Variants in NELL2 observed in about 807,000 individuals in gnomAD.
The protein encoded by NELL2 is neural EGFL like 2, also known as protein kinase C-binding protein NELL2.
Under a neutral mutation model 109.6 loss-of-function variants are expected in NELL2, and 41 were observed. The ratio of observed to expected loss-of-function variants is 0.37; its 90% CI spans 0.29 to 0.49. The LOEUF is 0.49. Among genes scored for constraint, NELL2 ranks in the 20% least tolerant of loss-of-function variants. NELL2 has a pLI of 0.98. For synonymous variants in NELL2, 355 were observed against 344.7 expected (o/e 1.03, Z -0.33); for missense variants, 900 against 1,008.3 (o/e 0.89, Z 1.45).
chr12:44,685,065 A>C (rs2136381317), intron 12 of NELL2, among the ~76,000 whole-genome samples: 2 of 152,140 alleles, frequency 1.3e-5, no homozygotes, highest in Non-Finnish European at 2.9e-5. Flanking sequence ...GTCTCTTTGT[A>C]GGTCACTCAG....
chr12:44,567,793 G>T (rs1259521831), intron 15 of NELL2, among the ~76,000 whole-genome samples: 1 of 152,050 alleles, frequency 6.6e-6, no homozygotes, highest in Non-Finnish European at 1.5e-5. Flanking sequence ...AGCTACATAC[G>T]ATTGCCCTGA....
In NELL2 at chr12:44,875,234, G is replaced by C. The variant is rs1296729070; in HGVS notation, c.175C>G (p.Leu59Val). ...AGCACGCCGGGCATACCTTGAAAGA[G>C]AAAGGCTTTCGTCCCATTATGCAGC... ...PGLHNGTKAF[L>V]FQDTPRSIKA... Residue 59 changes from leucine (L) to valine (V), a missense_variant, in exon 2 of 20, where the codon CTC becomes GTC. By Grantham distance (32) the Leu-to-Val change is conservative. Around this residue, in one of 4 missense-constraint regions of NELL2, gnomAD observed 200 missense variants for 191.8 expected, o/e 1.04. Transcript: ENST00000429094. The C allele has an allele frequency of 1.2e-6, 2 of 1,612,614 alleles. No homozygotes were observed. Among genetic ancestry groups the C allele is most frequent in the East Asian group, 4.5e-5 (2 of 44,828 alleles).
At chr12:44,867,218 G>A (rs1167245784) in intron 2 of NELL2, among the ~76,000 whole-genome samples, 31 of 152,276 alleles carry the variant, frequency 2.0e-4, no homozygotes, top group Admixed American at 2.0e-3. Flanking sequence ...GAACAGAGAT[G>A]AAATAATCCT....
chr12:44,737,779 C>G (rs1294411372), intron 9 of NELL2, among the ~76,000 whole-genome samples: 1 of 152,054 alleles, frequency 6.6e-6, no homozygotes, highest in African/African-American at 2.4e-5. Context: ...CCTCTCCATT[C>G]TGCATACCTT....
chr12:44,915,057 T>C (rs1945818376), upstream of NELL2, among the ~76,000 whole-genome samples: 1 of 152,082 alleles, frequency 6.6e-6, no homozygotes, highest in Non-Finnish European at 1.5e-5. Context: ...TTCACCGTGT[T>C]AGCCAGGATT....
At chr12:44,742,718 T>C (rs142713237) in intron 9 of NELL2, among the ~76,000 whole-genome samples, 2 of 151,544 alleles carry the variant, frequency 1.3e-5, no homozygotes, top group African/African-American at 4.9e-5. Context: ...GAAGACAAAA[T>C]GAATGAAATG....
At chr12:44,688,891 T>C (rs926298175) in intron 12 of NELL2, among the ~76,000 whole-genome samples, 1 of 152,180 alleles carries the variant, frequency 6.6e-6, no homozygotes, top group African/African-American at 2.4e-5. Flanking sequence ...AGTAAAAGAG[T>C]AACAATTATA....
chr12:44,791,085 A>ATATATATGTATATATATATATATATACG (rs1566403423), intron 3 of NELL2, among the ~76,000 whole-genome samples: 3 of 16,854 alleles, frequency 1.8e-4, no homozygotes, highest in African/African-American at 4.8e-4. Context: ...ATATATACAT[A>ATATATATGTATATATATATATATATACG]TATATATATA....
chr12:44,761,713 T>A (rs1442849817), intron 9 of NELL2, among the ~76,000 whole-genome samples: 1 of 152,126 alleles, frequency 6.6e-6, no homozygotes, highest in East Asian at 1.9e-4. Context: ...AAGAATGAAA[T>A]CACATCTTTT....
intron 15 of NELL2, among the ~76,000 whole-genome samples, chr12:44,547,593 GCTT>G: frequency 6.6e-6 from 1 of 152,034 alleles, no homozygotes; most frequent in East Asian, 1.9e-4. Flanking sequence ...TATATGCATT[GCTT>G]TTTTAATTTA....
chr12:44,631,310 T>C (rs1433245929), intron 13 of NELL2, among the ~76,000 whole-genome samples: 1 of 151,024 alleles, frequency 6.6e-6, no homozygotes, highest in South Asian at 2.1e-4. Context: ...GAGTTCCACA[T>C]GTTATGGGGA....
intron 14 of NELL2, among the ~76,000 whole-genome samples, chr12:44,607,490 T>C (rs1409343939): frequency 6.6e-6 from 1 of 152,080 alleles, no homozygotes; most frequent in African/African-American, 2.4e-5. Context: ...TAAAACAAAA[T>C]ACTGAAATTT....
At chr12:44,781,920 AG>A (rs1387813814) in intron 3 of NELL2, among the ~76,000 whole-genome samples, 1 of 152,016 alleles carries the variant, frequency 6.6e-6, no homozygotes, top group African/African-American at 2.4e-5. Context: ...CTAAACAGAA[AG>A]AAAAATATAA....
chr12:44,702,860 G>A (rs76776615), intron 12 of NELL2, among the ~76,000 whole-genome samples: 9,335 of 152,140 alleles, frequency 0.061, 944 homozygotes, highest in African/African-American at 0.21. Context: ...TTGGTTTCCC[G>A]AGAGCCAACA....
intron 13 of NELL2, among the ~76,000 whole-genome samples, chr12:44,632,552 A>G (rs766598718): frequency 9.2e-5 from 14 of 152,064 alleles, no homozygotes; most frequent in Admixed American, 2.6e-4. Flanking sequence ...ATTAAATAAC[A>G]TAAATAAAGC....
intron 2 of NELL2, among the ~76,000 whole-genome samples, chr12:44,858,661 A>G (rs1007859384): frequency 6.6e-6 from 1 of 152,242 alleles, no homozygotes; most frequent in African/African-American, 2.4e-5. Flanking sequence ...GTATTCACCA[A>G]TAAGTTGTTT....
intron 13 of NELL2, among the ~76,000 whole-genome samples, chr12:44,663,951 AT>A (rs1427961261): frequency 6.6e-6 from 1 of 152,166 alleles, no homozygotes; most frequent in Non-Finnish European, 1.5e-5. Flanking sequence ...CAAGTCTATA[AT>A]ACCAAAGAAT....
At chr12:44,758,393 A>G (rs1940983311) in intron 9 of NELL2, among the ~76,000 whole-genome samples, 1 of 152,238 alleles carries the variant, frequency 6.6e-6, no homozygotes, top group South Asian at 2.1e-4. Flanking sequence ...ACTCTGCTTT[A>G]TTAAATCCCC....
chr12:44,824,109 G>A (rs1034886375), intron 2 of NELL2, among the ~76,000 whole-genome samples: 12 of 152,086 alleles, frequency 7.9e-5, no homozygotes, highest in Admixed American at 3.9e-4. Context: ...TGAGTTGCAC[G>A]AATTTCTTAT....
Sources: gnomAD v4.1 joint callset for allele counts (sites outside exome capture counted in the v4.1 genomes callset) on GRCh38, gnomAD v4.1.1 for gene constraint, gnomAD v4.1.1 regional missense constraint, MANE v1.5 for transcripts, NCBI Gene and HGNC (gene_info 2026-07-23, HGNC 2026-07-21) for gene names.